The following TTC28 variants were observed in gnomAD, a reference collection of about 807,000 sequenced individuals.
TTC28 encodes tetratricopeptide repeat protein 28.
TTC28 carries 61 observed loss-of-function variants against 198.0 expected under a neutral mutation model. The ratio of observed to expected loss-of-function variants is 0.31; its 90% CI spans 0.25 to 0.38. TTC28 has a LOEUF of 0.38. Ranked by LOEUF, TTC28 falls within the 10% of genes least tolerant of loss-of-function variation. The pLI, the probability that TTC28 is intolerant of heterozygous loss-of-function variation, is 1.00. For missense variants in TTC28, 2,678 were observed against 3,164.0 expected, an observed-to-expected ratio of 0.85 and a Z score of 3.69; for synonymous variants, 1,171 against 1,297.8, an observed-to-expected ratio of 0.90 and a Z score of 2.10.
chr22:28,308,943 C>T (rs1268991260), intron 2 of TTC28, among the ~76,000 whole-genome samples: 1 of 152,134 alleles, frequency 6.6e-6, no homozygotes, highest in Non-Finnish European at 1.5e-5. Flanking sequence ...GTTCCAAACT[C>T]AAAGAGTGGG....
At chr22:28,154,547 G>A (rs8137025) in intron 6 of TTC28, among the ~76,000 whole-genome samples, 57 of 151,944 alleles carry the variant, frequency 3.8e-4, no homozygotes, top group Admixed American at 1.4e-3. Flanking sequence ...TAGTAGAGAC[G>A]GGGTTTCACC....
intron 1 of TTC28, among the ~76,000 whole-genome samples, chr22:28,642,430 G>A (rs747722021): frequency 1.5e-4 from 22 of 143,778 alleles, no homozygotes; most frequent in African/African-American, 4.2e-4. Context: ...GCTGTTTGCC[G>A]TTTAAAAAAA....
At position 28,636,127 on chromosome 22, in the gene TTC28, ATTTTTTTT is replaced by A. The variant is rs71316851; in HGVS notation, c.103-6305_103-6298del. Among the ~76,000 whole-genome samples, 10 of 65,736 alleles carry A rather than the reference ATTTTTTTT, an allele frequency of 1.5e-4. 2 individuals are homozygous for A. The highest frequency in any genetic ancestry group is 5.8e-4 in the African/African-American group (9 of 15,442). The allele number at this position is 65,736 out of a possible 152,430, so 43.1% of individuals were successfully genotyped here. ...CATCCATATTGTTGCAAATGTCAGG[ATTTTTTTT>A]TTTTTTTTTTTTTTTTTTTGAGCTC... On this transcript the variant is annotated intron_variant, in intron 1 of 22. Coordinates refer to ENST00000397906, the MANE Select transcript of TTC28 (RefSeq NM_001145418.2).
At chr22:28,030,649 C>T (rs1344338803) in intron 12 of TTC28, among the ~76,000 whole-genome samples, 2 of 152,220 alleles carry the variant, frequency 1.3e-5, no homozygotes, top group African/African-American at 4.8e-5. Context: ...TGAATAAGAA[C>T]TGTATTCCCA....
intron 2 of TTC28, among the ~76,000 whole-genome samples, chr22:28,520,781 G>C (rs2048888945): frequency 6.6e-6 from 1 of 152,032 alleles, no homozygotes; most frequent in Non-Finnish European, 1.5e-5. Flanking sequence ...GGCCTGGCAA[G>C]GTAGCACACG....
rs549693274 is a variant in TTC28, at chr22:27,983,006, G to A, written c.6661C>T (p.His2221Tyr). Residue 2221 changes from histidine (H) to tyrosine (Y), a missense_variant, in exon 23 of 23, where the codon CAT becomes TAT. Transcript: ENST00000397906. The part of the protein sequence containing the change: ...TSAFSRPVLS[H>Y]QKSQPSPVTV... ...ACTGGTGATGGCTGACTCTTCTGAT[G>A]GGAGAGAACAGGCCTGCTGAACGCA... is the stretch of plus-strand genomic sequence containing the variant. 1.0e-5 allele frequency: 16 copies of A among 1,551,660 alleles called. 1 individual carries two copies. In the South Asian group the frequency reaches 1.9e-4, roughly 18 times the overall value.
chr22:28,476,984 C>A (rs979046935), intron 2 of TTC28, among the ~76,000 whole-genome samples: 1 of 152,112 alleles, frequency 6.6e-6, no homozygotes, highest in Admixed American at 6.6e-5. Context: ...ATTGTACAGA[C>A]ATTACGTTGA....
intron 5 of TTC28, among the ~76,000 whole-genome samples, chr22:28,244,856 A>G (rs865894521): frequency 1.8e-4 from 27 of 152,334 alleles, no homozygotes; most frequent in African/African-American, 5.3e-4. Flanking sequence ...ACAAGCTAAT[A>G]GCACAATTTG....
chr22:27,995,798 C>G (rs738475), intron 17 of TTC28, among the ~76,000 whole-genome samples: 48,191 of 152,110 alleles, frequency 0.32, 7,931 homozygotes, highest in East Asian at 0.5. Flanking sequence ...TCGTCGGCTG[C>G]CCTTCCCCCA....
At chr22:28,207,717 G>A (rs1379889388) in intron 5 of TTC28, among the ~76,000 whole-genome samples, 2 of 152,166 alleles carry the variant, frequency 1.3e-5, no homozygotes, top group African/African-American at 2.4e-5. Context: ...CCAGGGACAC[G>A]TGGGAATGGT....
Position 28,163,631 on chromosome 22 carries a change from A to T in TTC28, c.934-32T>A, listed in dbSNP as rs764723849. ...AGAAAAGGATAAAGTGGAGAAATGAAAACACATCAGAATGGTTTTGGTATA... is the reference window on the plus strand; with the variant it reads ...AGAAAAGGATAAAGTGGAGAAATGATAACACATCAGAATGGTTTTGGTATA... On this transcript the variant is annotated intron_variant, in intron 5 of 22. Coordinates refer to ENST00000397906, the MANE Select transcript of TTC28 (RefSeq NM_001145418.2). The T allele has an allele frequency of 2.0e-6, 3 of 1,482,774 alleles. No individual in the cohort carries two copies. The Admixed American group carries it at 7.4e-5, about 37-fold the overall frequency. 91.9% of individuals were successfully genotyped at this position (1,482,774 alleles called of 1,614,324 possible).
At chr22:28,034,651 G>A (rs1466624322) in intron 12 of TTC28, among the ~76,000 whole-genome samples, 3 of 152,216 alleles carry the variant, frequency 2.0e-5, no homozygotes, top group Admixed American at 1.3e-4. Flanking sequence ...GAAGGCTGAG[G>A]TCTGGATTAT....
chr22:28,387,350 T>C (rs1404631522), intron 2 of TTC28, among the ~76,000 whole-genome samples: 1 of 152,220 alleles, frequency 6.6e-6, no homozygotes, highest in Non-Finnish European at 1.5e-5. Context: ...GTCCTTTGGG[T>C]ATATACCCAG....
intron 6 of TTC28, among the ~76,000 whole-genome samples, chr22:28,116,966 T>C (rs1394518393): frequency 6.6e-6 from 1 of 152,226 alleles, no homozygotes; most frequent in Non-Finnish European, 1.5e-5. Context: ...ATTACCTTTC[T>C]TGCTCATCTG....
chr22:28,645,683 G>A (rs975173598), intron 1 of TTC28, among the ~76,000 whole-genome samples: 3 of 151,142 alleles, frequency 2.0e-5, no homozygotes, highest in Admixed American at 6.6e-5. Context: ...TCCTAGGGAT[G>A]CTGGGATGGT....
intron 2 of TTC28, among the ~76,000 whole-genome samples, chr22:28,511,168 A>G (rs370581222): frequency 6.6e-6 from 1 of 152,340 alleles, no homozygotes; most frequent in East Asian, 1.9e-4. Flanking sequence ...TTTAAAATTC[A>G]TATGGAACCA....
chr22:28,124,168 TTTGTTG>T (rs71316831), intron 6 of TTC28, among the ~76,000 whole-genome samples: 138 of 148,194 alleles, frequency 9.3e-4, no homozygotes, highest in East Asian at 5.0e-3. Context: ...CTTATCTCTC[TTTGTTG>T]TTGTTGTTGT....
At chr22:28,342,011 G>C (rs1158209829) in intron 2 of TTC28, among the ~76,000 whole-genome samples, 2 of 151,902 alleles carry the variant, frequency 1.3e-5, no homozygotes, top group South Asian at 4.2e-4. Flanking sequence ...AAAAAACAAA[G>C]ATATTTTAAT....
intron 5 of TTC28, 91 bp from the exon 6 acceptor site, chr22:28,163,690 G>A: frequency 7.3e-7 from 1 of 1,367,240 alleles, no homozygotes; most frequent in Non-Finnish European, 9.7e-7. Flanking sequence ...GTTGCAAGAT[G>A]GCCGAATAGG....
Sources: allele counts gnomAD v4.1 joint callset (sites outside exome capture counted in the v4.1 genomes callset), GRCh38; gene constraint gnomAD v4.1.1; transcripts MANE v1.5; gene names NCBI Gene and HGNC (gene_info 2026-07-23, HGNC 2026-07-21).